Variants in COX7B2 observed in about 807,000 individuals in gnomAD.
COX7B2 encodes cytochrome c oxidase subunit 7B2, mitochondrial.
For missense variants in COX7B2, 109 were observed against 95.9 expected, an observed-to-expected ratio of 1.14 and a Z score of -0.57; for synonymous variants, 37 against 32.1, an observed-to-expected ratio of 1.15 and a Z score of -0.51.
At chr4:46,762,076 T>C (rs1017153677) in intron 2 of COX7B2, among the ~76,000 whole-genome samples, 2 of 150,924 alleles carry the variant, frequency 1.3e-5, no homozygotes, top group Non-Finnish European at 2.9e-5. Context: ...GTTCCCTTTT[T>C]TTCATATGTA....
At chr4:46,798,265 A>C (rs1718465559) in intron 2 of COX7B2, among the ~76,000 whole-genome samples, 1 of 152,184 alleles carries the variant, frequency 6.6e-6, no homozygotes, top group Admixed American at 6.5e-5. Context: ...CTCTCCTAGA[A>C]CCAATGAAGA....
intron 2 of COX7B2, among the ~76,000 whole-genome samples, chr4:46,799,976 C>T (rs1225010142): frequency 6.6e-6 from 1 of 152,038 alleles, no homozygotes; most frequent in Admixed American, 6.6e-5. Context: ...CTGTCAGGTT[C>T]AGGGCTTTTT....
At chr4:46,806,517 A>T (rs1719002763) in intron 2 of COX7B2, among the ~76,000 whole-genome samples, 1 of 152,136 alleles carries the variant, frequency 6.6e-6, no homozygotes, top group African/African-American at 2.4e-5. Flanking sequence ...ACCATTTCAT[A>T]TAGTTACTCA....
chr4:46,901,844 C>T (rs1720085565), intron 1 of COX7B2, among the ~76,000 whole-genome samples: 1 of 152,158 alleles, frequency 6.6e-6, no homozygotes, highest in Non-Finnish European at 1.5e-5. Flanking sequence ...CAGTGGTCTC[C>T]CATGAGTCCT....
At chr4:46,866,969 C>A (rs1171140370) in intron 1 of COX7B2, among the ~76,000 whole-genome samples, 1 of 152,120 alleles carries the variant, frequency 6.6e-6, no homozygotes, top group Non-Finnish European at 1.5e-5. Flanking sequence ...ATCAAAAGTG[C>A]CCTATCAAAT....
intron 2 of COX7B2, among the ~76,000 whole-genome samples, chr4:46,803,290 G>C (rs1320193098): frequency 2.6e-5 from 4 of 152,122 alleles, no homozygotes; most frequent in African/African-American, 9.7e-5. Context: ...CCCAGAAAAA[G>C]ATACAATGTA....
At chr4:46,826,096 C>T (rs1418869556) in intron 2 of COX7B2, among the ~76,000 whole-genome samples, 5 of 152,060 alleles carry the variant, frequency 3.3e-5, no homozygotes, top group African/African-American at 1.2e-4. Context: ...AGACAAACTA[C>T]AGAATGAGAG....
intron 1 of COX7B2, among the ~76,000 whole-genome samples, chr4:46,881,038 G>A (rs1426675270): frequency 6.7e-6 from 1 of 148,762 alleles, no homozygotes; most frequent in Non-Finnish European, 1.5e-5. Flanking sequence ...TCTTTTGAAT[G>A]GTTTTTTCAT....
At chr4:46,782,311 G>A (rs976250124) in intron 2 of COX7B2, among the ~76,000 whole-genome samples, 9 of 152,048 alleles carry the variant, frequency 5.9e-5, no homozygotes, top group Admixed American at 2.0e-4. Context: ...GATTGTAAAC[G>A]CACCAATCAG....
intron 2 of COX7B2, among the ~76,000 whole-genome samples, chr4:46,785,236 T>C (rs1308132791): frequency 2.0e-5 from 3 of 152,180 alleles, no homozygotes; most frequent in Non-Finnish European, 2.9e-5. Flanking sequence ...TGAGAACCTG[T>C]TGAAGAAAGG....
chr4:46,885,761 AT>A (rs1577697995), intron 1 of COX7B2, among the ~76,000 whole-genome samples: 1 of 152,138 alleles, frequency 6.6e-6, no homozygotes, highest in Non-Finnish European at 1.5e-5. Context: ...TTAACATATA[AT>A]TCTTCCGGTG....
intron 1 of COX7B2, among the ~76,000 whole-genome samples, chr4:46,850,484 A>T (rs527682416): frequency 6.6e-6 from 1 of 152,194 alleles, no homozygotes; most frequent in South Asian, 2.1e-4. Context: ...TGCACAATGT[A>T]TTCAAATAAT....
At chr4:46,832,190 G>A (rs770727804) in intron 2 of COX7B2, among the ~76,000 whole-genome samples, 2 of 152,020 alleles carry the variant, frequency 1.3e-5, no homozygotes, top group Non-Finnish European at 2.9e-5. Flanking sequence ...CTAACTCTTT[G>A]GGTCCACACT....
At chr4:46,787,361 C>A (rs932037200) in intron 2 of COX7B2, among the ~76,000 whole-genome samples, 1 of 151,850 alleles carries the variant, frequency 6.6e-6, no homozygotes, top group African/African-American at 2.4e-5. Flanking sequence ...GCAGGAGAAA[C>A]GCTTGAACCC....
chr4:46,772,315 A>G (rs1258025074), intron 2 of COX7B2, among the ~76,000 whole-genome samples: 1 of 152,152 alleles, frequency 6.6e-6, no homozygotes, highest in African/African-American at 2.4e-5. Context: ...GGGAGTTGCA[A>G]GTCAAAGGGC....
chr4:46,823,825 C>A (rs996994735), intron 2 of COX7B2, among the ~76,000 whole-genome samples: 1 of 148,488 alleles, frequency 6.7e-6, no homozygotes, highest in African/African-American at 2.5e-5. Flanking sequence ...AAGTTAAATT[C>A]AAAATTAATA....
chr4:46,772,396 T>C (rs1418259284), intron 2 of COX7B2, among the ~76,000 whole-genome samples: 2 of 152,166 alleles, frequency 1.3e-5, no homozygotes, highest in Admixed American at 1.3e-4. Context: ...TTAATGATAC[T>C]GTATAGTATG....
intron 2 of COX7B2, among the ~76,000 whole-genome samples, chr4:46,802,297 G>T (rs1259669848): frequency 6.6e-6 from 1 of 152,102 alleles, no homozygotes; most frequent in Non-Finnish European, 1.5e-5. Flanking sequence ...TGTTTCACTG[G>T]AAAGGCTAAT....
chr4:46,744,277 A>C (rs545453872), intron 2 of COX7B2, among the ~76,000 whole-genome samples: 52 of 151,966 alleles, frequency 3.4e-4, no homozygotes, highest in Non-Finnish European at 4.9e-4. Flanking sequence ...CCCCTCATTC[A>C]TCATGATTAC....
Sources: allele counts gnomAD v4.1 joint callset (sites outside exome capture counted in the v4.1 genomes callset), GRCh38; gene constraint gnomAD v4.1.1; transcripts MANE v1.5; gene names NCBI Gene and HGNC (gene_info 2026-07-23, HGNC 2026-07-21).